CACNG4: variants seen among roughly 807,000 people sequenced by gnomAD.
The protein encoded by CACNG4 is calcium voltage-gated channel auxiliary subunit gamma 4.
CACNG4 carries 8 observed loss-of-function variants against 22.9 expected under a neutral mutation model. That is an observed-to-expected ratio of 0.35 (90% CI 0.21 to 0.63). The LOEUF (loss-of-function observed/expected upper bound fraction) is 0.63. Among genes scored for constraint, CACNG4 ranks in the 30% least tolerant of loss-of-function variants. CACNG4 has a pLI of 0.72. For missense variants in CACNG4, 357 were observed against 455.4 expected (o/e 0.78, Z 1.97); for synonymous variants, 188 against 191.9 (o/e 0.98, Z 0.17).
intron 1 of CACNG4, among the ~76,000 whole-genome samples, chr17:67,008,040 G>A (rs148653612): frequency 8.0e-4 from 122 of 152,286 alleles, no homozygotes; most frequent in African/African-American, 1.3e-3. Flanking sequence ...CAGTGTAGCC[G>A]TGTGCACCGT....
At chr17:67,019,295 G>A (rs569305193) in intron 2 of CACNG4, among the ~76,000 whole-genome samples, 6 of 152,214 alleles carry the variant, frequency 3.9e-5, no homozygotes, top group East Asian at 1.9e-4. Context: ...AGGCTGCTGC[G>A]ACCAGGCCCA....
At chr17:66,990,279 G>T (rs1414886368) in intron 1 of CACNG4, among the ~76,000 whole-genome samples, 1 of 152,226 alleles carries the variant, frequency 6.6e-6, no homozygotes, top group Non-Finnish European at 1.5e-5. Flanking sequence ...ACTACCCACA[G>T]TCCTTGCCAC....
At chr17:66,987,248 A>G (rs182547033) in intron 1 of CACNG4, among the ~76,000 whole-genome samples, 2 of 152,276 alleles carry the variant, frequency 1.3e-5, no homozygotes, top group Admixed American at 1.3e-4. Flanking sequence ...TATTCTTTCT[A>G]TTGCAATTGG....
chr17:67,014,548 C>T (rs1288326029), intron 1 of CACNG4, among the ~76,000 whole-genome samples: 4 of 152,140 alleles, frequency 2.6e-5, no homozygotes, highest in South Asian at 4.2e-4. Context: ...CCAGCCTGAA[C>T]GTTGGGTTTG....
rs535233873 is a variant in CACNG4 at position 66,984,590 on chromosome 17, C to T, written c.220+19459C>T. Among the ~76,000 whole-genome samples the T allele has an allele frequency of 1.3e-5, 2 of 152,212 alleles. No individual in the cohort carries two copies. Among genetic ancestry groups the T allele is most frequent in the African/African-American group, 4.8e-5 (2 of 41,534 alleles). On this transcript the variant is annotated intron_variant, in intron 1 of 3. Coordinates refer to ENST00000262138, the MANE Select transcript of CACNG4 (RefSeq NM_014405.4). This position sits in a 1 kb window ranked among gnomAD's most constrained non-coding sequence, Gnocchi z 4.0. ...ATTCATTCAGCACTTATTTTTGCACCCAGCCTCTTGGGAACAGGGTTTGAC... is the reference window on the plus strand; with the variant it reads ...ATTCATTCAGCACTTATTTTTGCACTCAGCCTCTTGGGAACAGGGTTTGAC...
rs186911784 is a variant in CACNG4 at position 66,987,541 on chromosome 17, A to G, written c.220+22410A>G. Among the ~76,000 whole-genome samples the G allele has an allele frequency of 1.2e-3, 185 of 152,316 alleles. 1 individual carries two copies. Among genetic ancestry groups the G allele is most frequent in the African/African-American group, 4.0e-3 (165 of 41,570 alleles). On this transcript the variant is annotated intron_variant, in intron 1 of 3. Coordinates refer to ENST00000262138, the MANE Select transcript of CACNG4 (RefSeq NM_014405.4). ...GATCACTCGGGTGATGGAAGAGCTG[A>G]GAAGCCAAACAGGAGAAGCATCAGG...
chr17:66,987,324 A>G (rs1264972132), intron 1 of CACNG4, among the ~76,000 whole-genome samples: 1 of 152,214 alleles, frequency 6.6e-6, no homozygotes, highest in Non-Finnish European at 1.5e-5. Flanking sequence ...CCTTATCTAC[A>G]CAATAGAGTC....
intron 1 of CACNG4, among the ~76,000 whole-genome samples, chr17:67,007,175 AAAAC>A (rs755420484): frequency 6.6e-6 from 1 of 151,734 alleles, no homozygotes; most frequent in African/African-American, 2.4e-5. Flanking sequence ...ACTCTATCTC[AAAAC>A]AAACAAACAA....
In CACNG4 at chr17:66,984,022, G is replaced by A. The variant is rs151056297; in HGVS notation, c.220+18891G>A. On this transcript the variant is annotated intron_variant, in intron 1 of 3. Coordinates refer to ENST00000262138, the MANE Select transcript of CACNG4 (RefSeq NM_014405.4). This position sits in a 1 kb window ranked among gnomAD's most constrained non-coding sequence, Gnocchi z 4.0. ...TGATCAGGGTGCTGGTTATACGGGTGTAGACACATGTTCATCTAACTGCAC... is the reference window on the plus strand; with the variant it reads ...TGATCAGGGTGCTGGTTATACGGGTATAGACACATGTTCATCTAACTGCAC... Among the ~76,000 whole-genome samples, 1,693 of 152,302 alleles carry A rather than the reference G, an allele frequency of 0.011. 50 individuals carry two copies. The highest frequency in any genetic ancestry group is 0.059 in the Admixed American group (904 of 15,298).
intron 1 of CACNG4, among the ~76,000 whole-genome samples, chr17:67,016,520 G>A (rs2035498532): frequency 6.6e-6 from 1 of 152,166 alleles, no homozygotes; most frequent in Admixed American, 6.5e-5. Flanking sequence ...GCTCGCCAGG[G>A]ACCTCTCCTG....
At chr17:66,974,164 T>C (rs191481669) in intron 1 of CACNG4, among the ~76,000 whole-genome samples, 21 of 152,326 alleles carry the variant, frequency 1.4e-4, no homozygotes, top group African/African-American at 4.6e-4. Context: ...GTCCAGCTAG[T>C]GTCCACAGTA....
intron 1 of CACNG4, among the ~76,000 whole-genome samples, chr17:66,976,410 A>C (rs1598102451): frequency 5.0e-5 from 5 of 100,270 alleles, no homozygotes; most frequent in African/African-American, 1.2e-4. Context: ...CCATCCCTCC[A>C]TCCTTCCCAC....
Position 67,032,246 on chromosome 17 carries a change from T to G in CACNG4, c.*1242T>G. Reference sequence around the variant, plus strand: ...CTTTGTCCGGAGCTGAGGAAGTGGTTTCTGTGTTTTACAGTTTTTCCAGCC... The same window carrying G: ...CTTTGTCCGGAGCTGAGGAAGTGGTGTCTGTGTTTTACAGTTTTTCCAGCC... On this transcript the variant is annotated 3_prime_UTR_variant, in exon 4 of 4. Coordinates refer to ENST00000262138, the MANE Select transcript of CACNG4 (RefSeq NM_014405.4). The G allele has an allele frequency of 3.0e-6, 1 of 337,712 alleles. No homozygotes were observed. The highest frequency in any genetic ancestry group is 7.8e-5 in the East Asian group (1 of 12,788). 20.9% of individuals were successfully genotyped at this position (337,712 alleles called of 1,614,324 possible).
At position 67,032,208 on chromosome 17, in the gene CACNG4, G is replaced by T; in HGVS notation, c.*1204G>T. ...GGGCTTCTCTTCCTCCCTACAGAGG[G>T]GAGATCTCAGCACTTTGTCCGGAGC... is the stretch of plus-strand genomic sequence containing the variant. On this transcript the variant is annotated 3_prime_UTR_variant, in exon 4 of 4. Transcript: ENST00000262138. The T allele has an allele frequency of 2.8e-6, 1 of 356,334 alleles. No individual in the cohort carries two copies. Among genetic ancestry groups the T allele is most frequent in the Non-Finnish European group, 5.6e-6 (1 of 180,108 alleles). 22.1% of individuals were successfully genotyped at this position (356,334 alleles called of 1,614,324 possible). A position where few individuals can be genotyped will look rare whatever the true frequency, so the allele number is the denominator to read the frequency against.
In CACNG4 at chr17:67,030,884, C is replaced by G. The variant is rs751870930; in HGVS notation, c.864C>G (p.Thr288=). ...TLSREPLKVT[T]AASYSPDQEA... ...CCAGGGAGCCCCTCAAGGTGACCACCGCAGCCAGCTACAGCCCCGACCAGG... is the reference window on the plus strand; with the variant it reads ...CCAGGGAGCCCCTCAAGGTGACCACGGCAGCCAGCTACAGCCCCGACCAGG... The change falls in exon 4 of 4, where the codon ACC becomes ACG. Residue 288 remains threonine (T), a synonymous_variant. Transcript: ENST00000262138. The surrounding 1 kb of genome is among the most constrained non-coding windows in gnomAD (Gnocchi z 6.4). 1 of 1,612,614 alleles carries G rather than the reference C, an allele frequency of 6.2e-7. No homozygotes were observed. The highest frequency in any genetic ancestry group is 1.7e-5 in the Admixed American group (1 of 59,998).
chr17:67,004,597 C>A (rs1253322125), intron 1 of CACNG4, among the ~76,000 whole-genome samples: 2 of 152,156 alleles, frequency 1.3e-5, no homozygotes, highest in Non-Finnish European at 2.9e-5. Flanking sequence ...TGGAGTAGAG[C>A]CTGGGCTTTG....
intron 1 of CACNG4, among the ~76,000 whole-genome samples, chr17:66,968,067 C>T (rs1046595891): frequency 3.9e-5 from 6 of 152,290 alleles, no homozygotes; most frequent in Admixed American, 6.5e-5. Context: ...CCATGACAGC[C>T]CTGGGAGGAC....
In CACNG4 at chr17:67,033,008, G is replaced by C. The variant is rs1277960379; in HGVS notation, c.*2004G>C. The C allele has an allele frequency of 6.5e-6, 1 of 152,980 alleles. No individual in the cohort carries two copies. Among genetic ancestry groups the C allele is most frequent in the East Asian group, 1.9e-4 (1 of 5,200 alleles). 9.5% of individuals were successfully genotyped at this position (152,980 alleles called of 1,614,324 possible). Reference sequence around the variant, plus strand: ...TCTATCATTCCATGGAGAAAGCTGTGTTCCAATGAATCCTACCTCTTGCCC... The same window carrying C: ...TCTATCATTCCATGGAGAAAGCTGTCTTCCAATGAATCCTACCTCTTGCCC... On this transcript the variant is annotated 3_prime_UTR_variant, in exon 4 of 4. Coordinates refer to ENST00000262138, the MANE Select transcript of CACNG4 (RefSeq NM_014405.4).
chr17:67,018,201 G>C lies in CACNG4; in HGVS notation c.233G>C (p.Gly78Ala). Reference sequence around the variant, plus strand: ...TCGTTCCTTCCAGGGATCTATAAAGGGCACTGCTTCCGGATCAATCACTTC... The same window carrying C: ...TCGTTCCTTCCAGGGATCTATAAAGCGCACTGCTTCCGGATCAATCACTTC... Reference protein sequence around the residue: ...RVCCIEGIYKGHCFRINHFPE... With the variant: ...RVCCIEGIYKAHCFRINHFPE... Residue 78 changes from glycine (G) to alanine (A), a missense_variant, in exon 2 of 4, where the codon GGG (glycine) becomes GCG (alanine). Gly to Ala is a moderately conservative substitution (Grantham distance 60). Coordinates refer to ENST00000262138, the MANE Select transcript of CACNG4 (RefSeq NM_014405.4). The C allele has an allele frequency of 6.2e-7, 1 of 1,613,742 alleles. No homozygotes were observed. The highest frequency in any genetic ancestry group is 8.5e-7 in the Non-Finnish European group (1 of 1,179,652).
Sources: allele counts gnomAD v4.1 joint callset (sites outside exome capture counted in the v4.1 genomes callset), GRCh38; gene constraint gnomAD v4.1.1; non-coding constraint Gnocchi (gnomAD v3.1); transcripts MANE v1.5; gene names NCBI Gene and HGNC (gene_info 2026-07-23, HGNC 2026-07-21).